The following LRRTM4 variants were observed in gnomAD, a reference collection of about 807,000 sequenced individuals.
The protein encoded by LRRTM4 is leucine-rich repeat transmembrane neuronal protein 4.
A neutral mutation model predicts 47.6 loss-of-function variants in LRRTM4; 25 were observed. The observed-to-expected ratio is 0.53, with a 90% CI of 0.38 to 0.73. The LOEUF is 0.73. Ranked by LOEUF, LRRTM4 falls within the 30% of genes least tolerant of loss-of-function variation. The pLI, the probability that LRRTM4 is intolerant of heterozygous loss-of-function variation, is 0.00. For synonymous variants in LRRTM4, 311 were observed against 269.5 expected, an observed-to-expected ratio of 1.15 and a Z score of -1.51; for missense variants, 638 against 713.4, an observed-to-expected ratio of 0.89 and a Z score of 1.20.
chr2:77,083,836 G>C (rs542243575), intron 3 of LRRTM4, among the ~76,000 whole-genome samples: 5 of 97,756 alleles, frequency 5.1e-5, no homozygotes, highest in Admixed American at 1.6e-4. Context: ...ACGGAGTCTC[G>C]CTCTGTCGCC....
chr2:76,801,046 C>G (rs1484381490), intron 3 of LRRTM4, among the ~76,000 whole-genome samples: 1 of 148,714 alleles, frequency 6.7e-6, no homozygotes, highest in Non-Finnish European at 1.5e-5. Flanking sequence ...GAAATAGGAA[C>G]ACTTTTACAC....
chr2:77,091,605 T>C (rs568393645), intron 3 of LRRTM4, among the ~76,000 whole-genome samples: 12,308 of 139,614 alleles, frequency 0.088, 342 homozygotes, highest in East Asian at 0.14. Context: ...CAACCCATTA[T>C]TCTGTTCTGG....
chr2:77,430,043 T>C (rs550330238), intron 3 of LRRTM4, among the ~76,000 whole-genome samples: 6 of 152,040 alleles, frequency 3.9e-5, no homozygotes, highest in Non-Finnish European at 8.8e-5. Flanking sequence ...TCCAGCAGCC[T>C]GGGCAGCAGA....
intron 3 of LRRTM4, among the ~76,000 whole-genome samples, chr2:77,410,302 T>C (rs6755959): frequency 4.8e-4 from 73 of 152,266 alleles, no homozygotes; most frequent in African/African-American, 1.6e-3. Flanking sequence ...ACCAACCACA[T>C]GAGTAGGGAG....
chr2:77,443,640 T>A (rs1031548023), intron 3 of LRRTM4, among the ~76,000 whole-genome samples: 2 of 152,072 alleles, frequency 1.3e-5, no homozygotes, highest in Non-Finnish European at 2.9e-5. Flanking sequence ...TGATAAAACA[T>A]AGTATATGAA....
chr2:76,785,775 T>G (rs769575931), intron 3 of LRRTM4, among the ~76,000 whole-genome samples: 1 of 152,140 alleles, frequency 6.6e-6, no homozygotes, highest in Non-Finnish European at 1.5e-5. Flanking sequence ...ACAATCCATA[T>G]TTAAACTTAT....
rs932751906 is a variant in LRRTM4 at position 77,021,364 on chromosome 2, A to T, written c.1552-272448T>A. Among the ~76,000 whole-genome samples the T allele has an allele frequency of 9.9e-5, 15 of 152,252 alleles. No homozygotes were observed. In the East Asian group the frequency reaches 2.9e-3, roughly 29 times the overall value. On this transcript the variant is annotated intron_variant, in intron 3 of 3. Transcript: ENST00000409884. ...CAGTGGAGTCACAGAACACACCAGG[A>T]TTAAGTGTTACATTAATGGGCTGCA... is the stretch of plus-strand genomic sequence containing the variant.
intron 3 of LRRTM4, among the ~76,000 whole-genome samples, chr2:77,159,708 T>G (rs1234992079): frequency 6.6e-6 from 1 of 151,620 alleles, no homozygotes; most frequent in Admixed American, 6.6e-5. Flanking sequence ...GGGGAAGAGG[T>G]AGAAAAGGTG....
At chr2:76,848,958 A>G (rs56390052) in intron 3 of LRRTM4, among the ~76,000 whole-genome samples, 20,858 of 152,160 alleles carry the variant, frequency 0.14, 1,815 homozygotes, top group Admixed American at 0.2. Flanking sequence ...ATTACCAAAT[A>G]TCCACTGGTG....
intron 3 of LRRTM4, among the ~76,000 whole-genome samples, chr2:76,813,535 T>TA (rs1442419623): frequency 1.3e-5 from 2 of 152,278 alleles, no homozygotes; most frequent in African/African-American, 4.8e-5. Context: ...TTTCATTTTT[T>TA]AAAAATATAT....
chr2:77,234,041 C>T (rs1331755424), intron 3 of LRRTM4, among the ~76,000 whole-genome samples: 1 of 152,066 alleles, frequency 6.6e-6, no homozygotes, highest in Non-Finnish European at 1.5e-5. Flanking sequence ...CCTCGGCCTC[C>T]CAAAATACTG....
chr2:77,018,065 G>C (rs571363826), intron 3 of LRRTM4, among the ~76,000 whole-genome samples: 9 of 151,822 alleles, frequency 5.9e-5, no homozygotes, highest in African/African-American at 2.2e-4. Context: ...TATAGCTTTG[G>C]TATACAAATT....
At chr2:77,471,756 A>G (rs1185306674) in intron 3 of LRRTM4, among the ~76,000 whole-genome samples, 7 of 152,184 alleles carry the variant, frequency 4.6e-5, no homozygotes, top group Admixed American at 2.0e-4. Context: ...TTAGATATAT[A>G]ACACACATTC....
intron 3 of LRRTM4, among the ~76,000 whole-genome samples, chr2:76,841,749 A>G (rs966636572): frequency 9.9e-5 from 15 of 151,988 alleles, no homozygotes; most frequent in Non-Finnish European, 1.9e-4. Context: ...AAAATGTAAA[A>G]AAGTATATAA....
At chr2:77,252,298 TG>T (rs1261538003) in intron 3 of LRRTM4, among the ~76,000 whole-genome samples, 1 of 152,180 alleles carries the variant, frequency 6.6e-6, no homozygotes, top group Non-Finnish European at 1.5e-5. Flanking sequence ...TTGGCATATA[TG>T]GTACCCTACA....
At chr2:77,469,872 T>G (rs540344514) in intron 3 of LRRTM4, among the ~76,000 whole-genome samples, 4 of 152,168 alleles carry the variant, frequency 2.6e-5, no homozygotes, top group Non-Finnish European at 4.4e-5. Flanking sequence ...CCTAAGGGCA[T>G]ATGAGGCAGA....
chr2:77,343,979 A>G (rs1180105612), intron 3 of LRRTM4, among the ~76,000 whole-genome samples: 1 of 151,918 alleles, frequency 6.6e-6, no homozygotes, highest in African/African-American at 2.4e-5. Context: ...GGAGAAATAG[A>G]ACGAAGGATA....
At chr2:76,789,232 AGCAGTG>A (rs1184036118) in intron 3 of LRRTM4, among the ~76,000 whole-genome samples, 1 of 152,178 alleles carries the variant, frequency 6.6e-6, no homozygotes, top group African/African-American at 2.4e-5. Flanking sequence ...CTTATGTGCT[AGCAGTG>A]GCAGTGATGA....
intron 3 of LRRTM4, among the ~76,000 whole-genome samples, chr2:76,793,190 C>G (rs977070722): frequency 6.6e-6 from 1 of 152,148 alleles, no homozygotes; most frequent in African/African-American, 2.4e-5. Context: ...CCTATTTATA[C>G]TCTAGGTTTT....
Sources: allele counts gnomAD v4.1 joint callset (sites outside exome capture counted in the v4.1 genomes callset), GRCh38; gene constraint gnomAD v4.1.1; transcripts MANE v1.5; gene names NCBI Gene and HGNC (gene_info 2026-07-23, HGNC 2026-07-21).